Variants in TCERG1L observed in about 807,000 individuals in gnomAD.
The protein encoded by TCERG1L is transcription elongation regulator 1-like protein.
Under a neutral mutation model 56.3 loss-of-function variants are expected in TCERG1L, and 37 were observed. The ratio of observed to expected loss-of-function variants is 0.66; its 90% CI spans 0.51 to 0.87. The LOEUF is 0.87. Among genes scored for constraint, TCERG1L ranks in the 40% least tolerant of loss-of-function variants. The pLI is 0.00. For missense variants in TCERG1L, 799 were observed against 774.2 expected (o/e 1.03, Z -0.38); for synonymous variants, 324 against 326.3 (o/e 0.99, Z 0.08).
intron 4 of TCERG1L, among the ~76,000 whole-genome samples, chr10:131,236,318 C>T (rs1021251468): frequency 6.6e-5 from 10 of 151,972 alleles, no homozygotes; most frequent in African/African-American, 2.4e-4. Context: ...ACCTTTTTTT[C>T]CCCCAAACAA....
At chr10:131,110,191 C>T (rs1589776948) in intron 9 of TCERG1L, among the ~76,000 whole-genome samples, 1 of 152,148 alleles carries the variant, frequency 6.6e-6, no homozygotes, top group Admixed American at 6.5e-5. Flanking sequence ...TCTGGAGAAC[C>T]CAAAAGTGTT....
chr10:131,178,673 T>C (rs1170526735), intron 4 of TCERG1L, among the ~76,000 whole-genome samples: 2 of 152,016 alleles, frequency 1.3e-5, no homozygotes, highest in Non-Finnish European at 2.9e-5. Context: ...CGCCTGTGGG[T>C]TCCCAGCAAG....
chr10:131,093,418 C>T, intron 11 of TCERG1L, 100 bp from the exon 12 acceptor site: 1 of 1,439,154 alleles, frequency 6.9e-7, no homozygotes, highest in Non-Finnish European at 9.4e-7. Flanking sequence ...CCAGCCCTTC[C>T]ACCAGGCCTG....
chr10:131,290,219 C>T (rs1285850478), intron 3 of TCERG1L, among the ~76,000 whole-genome samples: 1 of 150,804 alleles, frequency 6.6e-6, no homozygotes, highest in African/African-American at 2.4e-5. Context: ...CATCTCCTAT[C>T]GGTGTGTGTG....
At chr10:131,221,184 A>G (rs1229120762) in intron 4 of TCERG1L, among the ~76,000 whole-genome samples, 1 of 152,154 alleles carries the variant, frequency 6.6e-6, no homozygotes, top group Non-Finnish European at 1.5e-5. Context: ...TGGCAGGTGG[A>G]AAGTGTCTCC....
chr10:131,146,383 C>G, intron 7 of TCERG1L, 123 bp downstream of exon 7: 2 of 1,140,524 alleles, frequency 1.8e-6, no homozygotes, highest in Non-Finnish European at 2.4e-6. Flanking sequence ...CAATCGGGCA[C>G]AGGATTCCTT....
At chr10:131,157,227 A>G (rs980684100) in intron 6 of TCERG1L, among the ~76,000 whole-genome samples, 1 of 152,212 alleles carries the variant, frequency 6.6e-6, no homozygotes, top group Admixed American at 6.5e-5. Context: ...TTTCCAAGCC[A>G]TCTTAAAAAG....
At chr10:131,189,042 T>C (rs1190006590) in intron 4 of TCERG1L, among the ~76,000 whole-genome samples, 1 of 152,232 alleles carries the variant, frequency 6.6e-6, no homozygotes, top group African/African-American at 2.4e-5. Flanking sequence ...ATCCTAATTT[T>C]TAATGGCTCA....
chr10:131,256,152 G>T (rs1846162765), intron 4 of TCERG1L, among the ~76,000 whole-genome samples: 1 of 152,206 alleles, frequency 6.6e-6, no homozygotes, highest in Non-Finnish European at 1.5e-5. Flanking sequence ...GATTATAGAG[G>T]AGGAGGAAAC....
In TCERG1L at chr10:131,134,422, C is replaced by A; in HGVS notation, c.1216G>T (p.Glu406Ter). Residue 406 changes from glutamate to a stop codon, truncating the protein, a stop_gained, in exon 8 of 12, where the codon GAA (glutamate) becomes TAA (stop). Coordinates refer to ENST00000368642, the MANE Select transcript of TCERG1L (RefSeq NM_174937.4). LOFTEE classifies it high-confidence loss of function. ...ACATCTTGGTCTTCCCTGTTGTCTT[C>A]AGAACTGGACCCATCGCTGTTGTCA... ...ATDNSDGSSSEDNREDQDVKT... is the reference protein window; with the variant it reads ...ATDNSDGSSS 1 of 1,596,154 alleles carries A rather than the reference C, an allele frequency of 6.3e-7. No homozygotes were observed. The highest frequency in any genetic ancestry group is 8.5e-7 in the Non-Finnish European group (1 of 1,170,748).
intron 4 of TCERG1L, among the ~76,000 whole-genome samples, chr10:131,219,985 G>A (rs1157310650): frequency 1.3e-5 from 2 of 152,074 alleles, no homozygotes; most frequent in Non-Finnish European, 2.9e-5. Flanking sequence ...CATTCTAATG[G>A]TCCTTTTCCT....
chr10:131,244,049 C>T (rs1330462965), intron 4 of TCERG1L, among the ~76,000 whole-genome samples: 2 of 152,214 alleles, frequency 1.3e-5, no homozygotes, highest in Non-Finnish European at 2.9e-5. Context: ...AAGATGTCAA[C>T]AGCCATTGTC....
intron 8 of TCERG1L, among the ~76,000 whole-genome samples, chr10:131,133,342 TA>T (rs1022728734): frequency 6.6e-6 from 1 of 152,208 alleles, no homozygotes; most frequent in African/African-American, 2.4e-5. Context: ...GTACATTTTT[TA>T]AAAGAGAAAA....
chr10:131,128,295 G>T (rs190035001), intron 8 of TCERG1L, among the ~76,000 whole-genome samples: 2 of 152,166 alleles, frequency 1.3e-5, no homozygotes, highest in Non-Finnish European at 2.9e-5. Context: ...CAAAGGAGGC[G>T]ACCCAGGAGG....
At chr10:131,168,283 C>T (rs762174092) in intron 4 of TCERG1L, among the ~76,000 whole-genome samples, 2 of 152,222 alleles carry the variant, frequency 1.3e-5, no homozygotes, top group Non-Finnish European at 1.5e-5. Context: ...GCACACCCCA[C>T]CTTCTAGCCT....
chr10:131,195,814 CT>C (rs1589743850), intron 4 of TCERG1L, among the ~76,000 whole-genome samples: 1 of 152,234 alleles, frequency 6.6e-6, no homozygotes, highest in East Asian at 1.9e-4. Flanking sequence ...CTTCTGGGCA[CT>C]TCTGGGTGGA....
intron 5 of TCERG1L, among the ~76,000 whole-genome samples, chr10:131,166,455 T>C (rs772466092): frequency 2.6e-5 from 4 of 152,256 alleles, no homozygotes; most frequent in Non-Finnish European, 5.9e-5. Context: ...AATGAGTGTG[T>C]TGGCTCTTCT....
chr10:131,295,495 T>C (rs1311293303), intron 3 of TCERG1L, among the ~76,000 whole-genome samples: 1 of 152,248 alleles, frequency 6.6e-6, no homozygotes, highest in African/African-American at 2.4e-5. Context: ...ATGAACGCCA[T>C]TCTAATAAGT....
chr10:131,190,141 A>G (rs1170710116), intron 4 of TCERG1L, among the ~76,000 whole-genome samples: 1 of 152,180 alleles, frequency 6.6e-6, no homozygotes, highest in Non-Finnish European at 1.5e-5. Flanking sequence ...GACTCCTATA[A>G]ACATCTCTAT....
Sources: allele counts gnomAD v4.1 joint callset (sites outside exome capture counted in the v4.1 genomes callset), GRCh38; gene constraint gnomAD v4.1.1; transcripts MANE v1.5; gene names NCBI Gene and HGNC (gene_info 2026-07-23, HGNC 2026-07-21).